SV2C: variants seen among roughly 807,000 people sequenced by gnomAD.
The protein encoded by SV2C is solute carrier family 22 member B3.
A neutral mutation model predicts 79.7 loss-of-function variants in SV2C; 49 were observed. That is an observed-to-expected ratio of 0.61 (90% CI 0.49 to 0.78). The LOEUF (loss-of-function observed/expected upper bound fraction) is 0.78. SV2C is among the 30% of genes least tolerant of loss of function. The probability of loss-of-function intolerance (pLI) is 0.00; values close to 1 mark genes in which losing one functional copy is unlikely to be tolerated. For missense variants in SV2C, 833 were observed against 912.9 expected (o/e 0.91, Z 1.13); for synonymous variants, 334 against 333.2 (o/e 1.00, Z -0.03).
chr5:75,902,676 G>C, the SV2C span, among the ~76,000 whole-genome samples: 11 of 150,888 alleles, frequency 7.3e-5, no homozygotes, highest in South Asian at 2.3e-3. Context: ...ATGGTTTTTA[G>C]TGCAGACTTT....
the SV2C span, among the ~76,000 whole-genome samples, chr5:75,875,249 C>A: frequency 8.3e-3 from 1,260 of 152,218 alleles, 24 homozygotes; most frequent in African/African-American, 0.029. Flanking sequence ...ACCAATAGAA[C>A]AGAATAGAGA....
chr5:76,033,225 T>C, the SV2C span, among the ~76,000 whole-genome samples: 4 of 152,028 alleles, frequency 2.6e-5, no homozygotes, highest in African/African-American at 4.8e-5. Flanking sequence ...GTAGTTTCTT[T>C]TGCTGTGCAG....
rs1168693806 is a variant in SV2C at position 76,333,617 on chromosome 5, G to A, written c.*8070G>A. The A allele has an allele frequency of 6.6e-6, 1 of 152,230 alleles. No homozygotes were observed. The highest frequency in any genetic ancestry group is 1.5e-5 in the Non-Finnish European group (1 of 68,044). The allele number at this position is 152,230 out of a possible 1,614,324, so 9.4% of individuals were successfully genotyped here. ...TGTACTGTATATACGTGTGCTGCAT[G>A]TGTAAATTCTGTTTCAGGTTTTGGA... On this transcript the variant is annotated 3_prime_UTR_variant, in exon 13 of 13. Coordinates refer to ENST00000502798, the MANE Select transcript of SV2C (RefSeq NM_014979.4).
the SV2C span, among the ~76,000 whole-genome samples, chr5:76,022,706 AT>A: frequency 6.6e-6 from 1 of 152,214 alleles, no homozygotes; most frequent in Non-Finnish European, 1.5e-5. Context: ...TAGTTTGTTA[AT>A]TTGGTCGATA....
the SV2C span, among the ~76,000 whole-genome samples, chr5:76,007,281 C>T: frequency 6.6e-6 from 1 of 151,492 alleles, no homozygotes; most frequent in African/African-American, 2.4e-5. Flanking sequence ...GGAAGGGAGG[C>T]ATACACAAAC....
At chr5:75,925,231 A>T in the SV2C span, among the ~76,000 whole-genome samples, 4 of 152,132 alleles carry the variant, frequency 2.6e-5, no homozygotes, top group Non-Finnish European at 4.4e-5. Flanking sequence ...GTAAGGCCGG[A>T]CTTCTGTGCC....
chr5:76,106,252 G>C (rs1000292339), intron 1 of SV2C, among the ~76,000 whole-genome samples: 1 of 151,976 alleles, frequency 6.6e-6, no homozygotes, highest in African/African-American at 2.4e-5. Context: ...ATTATAACCA[G>C]AATGTAACCA....
At chr5:76,349,195 G>C (rs1245348967) in intron 12 of SV2C, among the ~76,000 whole-genome samples, 2 of 152,000 alleles carry the variant, frequency 1.3e-5, no homozygotes, top group Non-Finnish European at 2.9e-5. Flanking sequence ...ACAGTGTCAG[G>C]CACAGAGTAA....
the SV2C span, among the ~76,000 whole-genome samples, chr5:75,974,997 T>A: frequency 6.6e-6 from 1 of 152,180 alleles, no homozygotes. Context: ...CAGCCTCTGC[T>A]CTTAACTATT....
At chr5:76,254,016 C>T (rs543102570) in intron 4 of SV2C, among the ~76,000 whole-genome samples, 10 of 152,114 alleles carry the variant, frequency 6.6e-5, no homozygotes, top group Non-Finnish European at 1.3e-4. Flanking sequence ...TGCAGGAGCT[C>T]ACACCTGTAA....
At chr5:76,162,153 T>C (rs141451822) in intron 2 of SV2C, among the ~76,000 whole-genome samples, 142 of 152,244 alleles carry the variant, frequency 9.3e-4, no homozygotes, top group African/African-American at 2.9e-3. Context: ...ACACCAAAGG[T>C]ATATTTTTAA....
chr5:76,319,628 G>A lies in SV2C; in HGVS notation c.2001-5736G>A, dbSNP rs7733948. Among the ~76,000 whole-genome samples, 375 of 152,242 alleles carry A rather than the reference G, an allele frequency of 2.5e-3. 3 individuals carry two copies. The highest frequency in any genetic ancestry group is 8.5e-3 in the African/African-American group (354 of 41,532). ...AAATGGAGATTCTTAAGAAGGATTT[G>A]ATCGTCTTTTTCAAAACCCTCAGAT... is the stretch of plus-strand genomic sequence containing the variant. On this transcript the variant is annotated intron_variant, in intron 12 of 12. Coordinates refer to ENST00000502798, the MANE Select transcript of SV2C (RefSeq NM_014979.4).
the SV2C span, among the ~76,000 whole-genome samples, chr5:75,882,973 T>A: frequency 2.0e-5 from 3 of 149,484 alleles, no homozygotes; most frequent in African/African-American, 7.4e-5. Flanking sequence ...GAATCTACAA[T>A]GAACTCAAAC....
At chr5:75,934,302 CTTTT>C in the SV2C span, among the ~76,000 whole-genome samples, 9 of 107,826 alleles carry the variant, frequency 8.3e-5, no homozygotes, top group African/African-American at 2.1e-4. Flanking sequence ...TTCTTTCTTT[CTTTT>C]TTTTTTTTTT....
chr5:76,294,388 G>A lies in SV2C; in HGVS notation c.1338-1390G>A, dbSNP rs188954920. On this transcript the variant is annotated intron_variant, in intron 8 of 12. Coordinates refer to ENST00000502798, the MANE Select transcript of SV2C (RefSeq NM_014979.4). ...ACGATATCGGCTCGCTGCAACCTCC[G>A]ACTCCCTGGTTCAAGCTATTCTTCT... Among the ~76,000 whole-genome samples the A allele has an allele frequency of 3.8e-3, 526 of 138,904 alleles. 5 individuals carry two copies. The highest frequency in any genetic ancestry group is 0.013 in the African/African-American group (488 of 37,382). 91.1% of individuals were successfully genotyped at this position (138,904 alleles called of 152,430 possible). A position where few individuals can be genotyped will look rare whatever the true frequency, so the allele number is the denominator to read the frequency against.
At chr5:76,151,250 G>A (rs1749594042) in intron 2 of SV2C, among the ~76,000 whole-genome samples, 1 of 152,190 alleles carries the variant, frequency 6.6e-6, no homozygotes, top group Non-Finnish European at 1.5e-5. Context: ...TGGAAATCTT[G>A]GATGGAGTAT....
chr5:75,921,193 G>C, the SV2C span: 8 of 1,015,984 alleles, frequency 7.9e-6, no homozygotes, highest in Admixed American at 2.0e-5. Flanking sequence ...CGTGGAACTT[G>C]AGCCAGGGGC....
chr5:75,967,207 G>C, the SV2C span, among the ~76,000 whole-genome samples: 1 of 152,226 alleles, frequency 6.6e-6, no homozygotes, highest in Non-Finnish European at 1.5e-5. Flanking sequence ...TATGGGTGGA[G>C]CCAAGATGGC....
chr5:76,140,454 A>G (rs1371978375), intron 2 of SV2C, among the ~76,000 whole-genome samples: 1 of 152,250 alleles, frequency 6.6e-6, no homozygotes, highest in East Asian at 1.9e-4. Flanking sequence ...TGGGATTTCT[A>G]GCTGCTTTAT....
Sources: gnomAD v4.1 joint callset for allele counts (sites outside exome capture counted in the v4.1 genomes callset) on GRCh38, gnomAD v4.1.1 for gene constraint, MANE v1.5 for transcripts, NCBI Gene and HGNC (gene_info 2026-07-23, HGNC 2026-07-21) for gene names.